The following NFASC variants were observed in gnomAD, a reference collection of about 807,000 sequenced individuals.
NFASC encodes the protein neurofascin homolog.
NFASC carries 43 observed loss-of-function variants against 147.5 expected under a neutral mutation model. That is an observed-to-expected ratio of 0.29 (90% CI 0.23 to 0.38). NFASC has a LOEUF of 0.38. NFASC is among the 10% of genes least tolerant of loss of function. The pLI is 1.00. For missense variants in NFASC, 1,320 were observed against 1,689.0 expected, an observed-to-expected ratio of 0.78 and a Z score of 3.83; for synonymous variants, 622 against 665.5, an observed-to-expected ratio of 0.93 and a Z score of 1.01.
chr1:204,969,358 A>C (rs574013208), intron 10 of NFASC, among the ~76,000 whole-genome samples: 1 of 152,042 alleles, frequency 6.6e-6, no homozygotes, highest in South Asian at 2.1e-4. Flanking sequence ...GTACCTATGC[A>C]TGATGCTGTG....
At chr1:204,997,776 G>A (rs763058337) in intron 25 of NFASC, 8 of 373,222 alleles carry the variant, frequency 2.1e-5, no homozygotes, top group African/African-American at 4.2e-5. Flanking sequence ...TCAGAGCCGA[G>A]CACTCCAGAA....
At chr1:205,005,703 T>G (rs771533898) in intron 27 of NFASC, among the ~76,000 whole-genome samples, 2 of 152,210 alleles carry the variant, frequency 1.3e-5, no homozygotes, top group African/African-American at 2.4e-5. Context: ...TGTCCTAAAT[T>G]TCTTTTGGTC....
rs185122967 is a variant in NFASC, at chr1:204,887,222, G to A, written c.-199-33410G>A. On this transcript the variant is annotated intron_variant, in intron 1 of 29. Coordinates refer to ENST00000339876, the MANE Select transcript of NFASC (RefSeq NM_001005388.3). ...TGTCTCTATGAATTTGACCTCTCTA[G>A]GTAGGTCATATGAGTAAAATCATAC... Among the ~76,000 whole-genome samples the A allele has an allele frequency of 7.4e-4, 113 of 152,252 alleles. 1 individual carries two copies. The highest frequency in any genetic ancestry group is 4.1e-3 in the South Asian group (20 of 4,826).
chr1:204,872,507 G>A (rs752393072), intron 1 of NFASC, among the ~76,000 whole-genome samples: 35 of 152,204 alleles, frequency 2.3e-4, no homozygotes, highest in African/African-American at 7.7e-4. Context: ...GCTGGGGAGC[G>A]CAGGCTTGTG....
chr1:204,973,218 G>C (rs2095310207), intron 11 of NFASC, 58 bp from the exon 12 acceptor site: 1 of 1,595,918 alleles, frequency 6.3e-7, no homozygotes, highest in African/African-American at 1.3e-5. Flanking sequence ...AGAGCCCCAA[G>C]TGCCCTTCAC....
chr1:204,935,702 G>C (rs187000154), intron 2 of NFASC, among the ~76,000 whole-genome samples: 5 of 152,226 alleles, frequency 3.3e-5, no homozygotes, highest in African/African-American at 1.2e-4. Flanking sequence ...AGGAAGATGA[G>C]ACTGGGCACC....
intron 10 of NFASC, 135 bp from the exon 11 acceptor site, chr1:204,970,481 T>C: frequency 1.1e-6 from 1 of 946,340 alleles, no homozygotes; most frequent in Non-Finnish European, 1.6e-6. Context: ...CCTGTGAGGA[T>C]GAGCCCTGGG....
intron 1 of NFASC, among the ~76,000 whole-genome samples, chr1:204,850,965 C>T (rs888947514): frequency 3.3e-5 from 5 of 152,148 alleles, no homozygotes; most frequent in African/African-American, 1.2e-4. Flanking sequence ...AATAATTCTA[C>T]AAATTTGTCT....
In NFASC at chr1:204,997,282, T is replaced by C. The variant is rs1167321116; in HGVS notation, c.2895T>C (p.Thr965=). 6.2e-7 allele frequency: 1 copy of C among 1,611,486 alleles called. No individual in the cohort carries two copies. Among genetic ancestry groups the C allele is most frequent in the Admixed American group, 1.7e-5 (1 of 59,726 alleles). The change falls in exon 25 of 30, where the codon ACT becomes ACC. Residue 965 remains threonine, a synonymous_variant. Transcript: ENST00000339876. ...CCACAACAGTCCCCATCATCCCAAC[T>C]GTCGCACCTACCACCATCGCCACCA... ...TEATTVPIIP[T]VAPTTIATTT...
chr1:204,995,207 A>G (rs1217793586), intron 24 of NFASC, among the ~76,000 whole-genome samples: 1 of 152,202 alleles, frequency 6.6e-6, no homozygotes, highest in Admixed American at 6.5e-5. Flanking sequence ...AGCAGCGGAA[A>G]GAGCCCATGT....
chr1:204,965,672 C>A (rs1453474666), intron 8 of NFASC, among the ~76,000 whole-genome samples: 1 of 152,144 alleles, frequency 6.6e-6, no homozygotes, highest in Non-Finnish European at 1.5e-5. Context: ...AAGAGTTTCA[C>A]CAGAGCAGCT....
chr1:204,850,562 C>A (rs1160377570), intron 1 of NFASC, among the ~76,000 whole-genome samples: 1 of 152,206 alleles, frequency 6.6e-6, no homozygotes, highest in Non-Finnish European at 1.5e-5. Flanking sequence ...GCACAGACGT[C>A]CCCCTTGCTA....
chr1:204,953,933 T>C (rs2094288125), intron 5 of NFASC, among the ~76,000 whole-genome samples: 1 of 152,132 alleles, frequency 6.6e-6, no homozygotes, highest in Admixed American at 6.5e-5. Flanking sequence ...GTCCCAGTCT[T>C]AGGTGGGTAG....
Position 204,984,169 on chromosome 1 carries a change from T to G in NFASC, c.2470+2149T>G, listed in dbSNP as rs375216307. ...TGAGGAAGCCAGCTCCGGACTCACC[T>G]AACTACCCAGCTCACTAACCAGGGC... On this transcript the variant is annotated intron_variant, in intron 21 of 29. Coordinates refer to ENST00000339876, the MANE Select transcript of NFASC (RefSeq NM_001005388.3). 11 of 1,507,392 alleles carry G rather than the reference T, an allele frequency of 7.3e-6. No individual in the cohort carries two copies. In the African/African-American group the frequency reaches 1.1e-4, roughly 15 times the overall value. 93.4% of individuals were successfully genotyped at this position (1,507,392 alleles called of 1,614,324 possible).
chr1:204,894,405 G>C (rs1289526837), intron 1 of NFASC, among the ~76,000 whole-genome samples: 2 of 152,220 alleles, frequency 1.3e-5, no homozygotes, highest in Admixed American at 6.5e-5. Flanking sequence ...AGGGGATGGG[G>C]TTCCTTGTAA....
chr1:204,985,867 C>CCCTG lies in NFASC; in HGVS notation c.2471-1542_2471-1539dup, dbSNP rs1161337272. ...CCACCACCACTAACAACTAACCCAG[C>CCCTG]CCTGCCTGCCTGACCCCTCACCAGC... On this transcript the variant is annotated intron_variant, in intron 21 of 29. Transcript: ENST00000339876. The CCCTG allele has an allele frequency of 2.9e-6, 4 of 1,389,226 alleles. No homozygotes were observed. The Admixed American group carries it at 7.1e-5, about 25-fold the overall frequency. 86.1% of individuals were successfully genotyped at this position (1,389,226 alleles called of 1,614,324 possible).
chr1:204,980,189 C>T (rs1170450910), intron 19 of NFASC, among the ~76,000 whole-genome samples, 181 bp from the exon 20 acceptor site: 1 of 152,194 alleles, frequency 6.6e-6, no homozygotes, highest in Admixed American at 6.5e-5. Context: ...GTTTAAATCT[C>T]AGCTCAAAAG....
At chr1:204,838,859 C>T (rs953635671) in intron 1 of NFASC, among the ~76,000 whole-genome samples, 1 of 152,084 alleles carries the variant, frequency 6.6e-6, no homozygotes, top group African/African-American at 2.4e-5. Flanking sequence ...CATTTTTGCC[C>T]CAAGGAAGAG....
chr1:204,977,933 C>T (rs566160112), intron 17 of NFASC, among the ~76,000 whole-genome samples: 1 of 152,290 alleles, frequency 6.6e-6, no homozygotes, highest in South Asian at 2.1e-4. Context: ...AGGGTGAGCT[C>T]GGAAGTTCTC....
Sources: allele counts gnomAD v4.1 joint callset (sites outside exome capture counted in the v4.1 genomes callset), GRCh38; gene constraint gnomAD v4.1.1; transcripts MANE v1.5; gene names NCBI Gene and HGNC (gene_info 2026-07-23, HGNC 2026-07-21).